Variants in MYO18B observed in about 807,000 individuals in gnomAD.
MYO18B encodes unconventional myosin-XVIIIb.
In MYO18B, 204 loss-of-function variants were observed where a neutral mutation model predicts 273.0. That is an observed-to-expected ratio of 0.75 (90% CI 0.67 to 0.84). MYO18B has a LOEUF of 0.84. Among genes scored for constraint, MYO18B ranks in the 40% least tolerant of loss-of-function variants. MYO18B has a pLI of 0.00. For missense variants in MYO18B, 3,212 were observed against 3,287.6 expected (o/e 0.98, Z 0.56); for synonymous variants, 1,330 against 1,305.7 (o/e 1.02, Z -0.40).
At position 25,773,177 on chromosome 22, in the gene MYO18B, C is replaced by T. The variant is rs117463958; in HGVS notation, c.1869+667C>T. ...AGCCGAGTCATTGAAGCGTGGGCCC[C>T]TTCATTCCTTCAACCCATAGTGATT... On this transcript the variant is annotated intron_variant, in intron 7 of 43. Transcript: ENST00000335473. Among the ~76,000 whole-genome samples, 54 of 152,318 alleles carry T rather than the reference C, an allele frequency of 3.5e-4. No individual in the cohort carries two copies. In the East Asian group the frequency reaches 0.01, roughly 28 times the overall value.
intron 23 of MYO18B, among the ~76,000 whole-genome samples, chr22:25,875,890 A>G (rs2091177684): frequency 1.3e-5 from 2 of 152,100 alleles, no homozygotes; most frequent in African/African-American, 2.4e-5. Flanking sequence ...AACCTATTGT[A>G]TAGTTTCTTT....
chr22:26,051,319 G>T, the MYO18B span, among the ~76,000 whole-genome samples: 3 of 150,636 alleles, frequency 2.0e-5, no homozygotes, highest in African/African-American at 7.3e-5. Flanking sequence ...CACCTCCCGG[G>T]TTCACGCCAT....
intron 23 of MYO18B, among the ~76,000 whole-genome samples, chr22:25,875,007 GTTATTC>G (rs1223279557): frequency 6.6e-6 from 1 of 152,226 alleles, no homozygotes; most frequent in Non-Finnish European, 1.5e-5. Flanking sequence ...CCTTAGAATT[GTTATTC>G]TTAATTACTG....
chr22:25,757,858 A>G (rs376679195), intron 1 of MYO18B, among the ~76,000 whole-genome samples: 2 of 152,220 alleles, frequency 1.3e-5, no homozygotes, highest in East Asian at 3.8e-4. Flanking sequence ...TGTGTGCAAC[A>G]TTGTACTCAA....
chr22:25,775,435 C>T (rs2086879193), intron 7 of MYO18B, among the ~76,000 whole-genome samples: 1 of 152,146 alleles, frequency 6.6e-6, no homozygotes, highest in Admixed American at 6.5e-5. Context: ...GCAGATGGGG[C>T]CTTGCCGGAC....
intron 9 of MYO18B, among the ~76,000 whole-genome samples, chr22:25,780,706 C>A (rs1246562011): frequency 1.3e-5 from 2 of 152,018 alleles, no homozygotes. Flanking sequence ...TTGCTCCCCA[C>A]CTCGCTAGGT....
chr22:25,851,008 C>T (rs180982599), intron 20 of MYO18B, among the ~76,000 whole-genome samples: 20 of 152,298 alleles, frequency 1.3e-4, no homozygotes, highest in Admixed American at 1.1e-3. Context: ...TTAGATACTG[C>T]CCAATGCAGC....
At chr22:25,753,984 C>T (rs1038496808) in intron 1 of MYO18B, among the ~76,000 whole-genome samples, 3 of 152,194 alleles carry the variant, frequency 2.0e-5, no homozygotes, top group African/African-American at 7.2e-5. Flanking sequence ...AAGTGATGCT[C>T]CTGTCTTGGC....
At chr22:25,844,915 C>T (rs185027102) in intron 18 of MYO18B, among the ~76,000 whole-genome samples, 41 of 152,262 alleles carry the variant, frequency 2.7e-4, no homozygotes, top group Admixed American at 1.1e-3. Context: ...AGTCGCTCTC[C>T]CTCATCTCGG....
chr22:26,039,242 A>T, the MYO18B span, among the ~76,000 whole-genome samples: 1 of 152,104 alleles, frequency 6.6e-6, no homozygotes, highest in Non-Finnish European at 1.5e-5. Context: ...TCTCACAGAC[A>T]CTATAGATGT....
chr22:26,055,900 A>G, the MYO18B span, among the ~76,000 whole-genome samples: 5 of 152,190 alleles, frequency 3.3e-5, no homozygotes, highest in African/African-American at 9.6e-5. Context: ...AAGACTGCAC[A>G]CTGCTGGAGG....
Position 25,996,660 on chromosome 22 carries a change from G to A in MYO18B, c.6287+4167G>A, listed in dbSNP as rs979409746. On this transcript the variant is annotated intron_variant, in intron 40 of 43. Transcript: ENST00000335473. ...AATTGGAGTTACGAGGCCAGAGAAC[G>A]TAGTGCTATGATGAAGAGCAGGGTA... Among the ~76,000 whole-genome samples, 10 of 152,074 alleles carry A rather than the reference G, an allele frequency of 6.6e-5. No homozygotes were observed. The South Asian group carries it at 1.7e-3, about 25-fold the overall frequency.
chr22:25,943,253 G>T (rs527247457), intron 34 of MYO18B, among the ~76,000 whole-genome samples: 1 of 152,176 alleles, frequency 6.6e-6, no homozygotes, highest in African/African-American at 2.4e-5. Flanking sequence ...ACCTTTTGTT[G>T]TTTGCATGCC....
chr22:25,794,827 A>G (rs1601716147), intron 11 of MYO18B, among the ~76,000 whole-genome samples: 1 of 152,212 alleles, frequency 6.6e-6, no homozygotes, highest in African/African-American at 2.4e-5. Context: ...TTAAACACAC[A>G]TCAGCAACTA....
At chr22:25,762,317 G>A (rs3859865) in intron 2 of MYO18B, among the ~76,000 whole-genome samples, 31,526 of 152,176 alleles carry the variant, frequency 0.21, 3,349 homozygotes, top group African/African-American at 0.23. Flanking sequence ...CTTATCAGTT[G>A]GGCTACACAC....
At chr22:25,973,754 G>A (rs2093060360) in intron 39 of MYO18B, among the ~76,000 whole-genome samples, 1 of 152,200 alleles carries the variant, frequency 6.6e-6, no homozygotes, top group Non-Finnish European at 1.5e-5. Flanking sequence ...AATGCTTTGT[G>A]TTCCCATCTT....
chr22:26,030,066 T>A (rs1403541821), intron 43 of MYO18B, among the ~76,000 whole-genome samples: 1 of 152,172 alleles, frequency 6.6e-6, no homozygotes, highest in Non-Finnish European at 1.5e-5. Context: ...TCATTGTCTC[T>A]ATCAAAATGT....
chr22:25,832,356 A>G (rs1398677853), intron 15 of MYO18B, among the ~76,000 whole-genome samples: 2 of 152,216 alleles, frequency 1.3e-5, no homozygotes, highest in Admixed American at 1.3e-4. Context: ...ACTCATATAT[A>G]GATTGCAATT....
chr22:25,761,344 C>A (rs1029616815), intron 2 of MYO18B, among the ~76,000 whole-genome samples: 3 of 151,978 alleles, frequency 2.0e-5, no homozygotes, highest in Non-Finnish European at 4.4e-5. Flanking sequence ...CCCTTGACGC[C>A]CCCCCGAGGG....
Sources: allele counts gnomAD v4.1 joint callset (sites outside exome capture counted in the v4.1 genomes callset), GRCh38; gene constraint gnomAD v4.1.1; transcripts MANE v1.5; gene names NCBI Gene and HGNC (gene_info 2026-07-23, HGNC 2026-07-21).